RABGAP1L: variants seen among roughly 807,000 people sequenced by gnomAD.
RABGAP1L encodes the protein rab GTPase-activating protein 1-like.
A neutral mutation model predicts 137.7 loss-of-function variants in RABGAP1L; 63 were observed. The ratio of observed to expected loss-of-function variants is 0.46; its 90% confidence interval spans 0.37 to 0.56. The LOEUF is 0.56. Ranked by LOEUF, RABGAP1L falls within the 20% of genes least tolerant of loss-of-function variation. The pLI, the probability that RABGAP1L is intolerant of heterozygous loss-of-function variation, is 0.00. For synonymous variants in RABGAP1L, 431 were observed against 433.7 expected (o/e 0.99, Z 0.08); for missense variants, 1,095 against 1,244.0 (o/e 0.88, Z 1.80).
intron 12 of RABGAP1L, among the ~76,000 whole-genome samples, chr1:174,385,792 A>G (rs781163493): frequency 1.3e-5 from 2 of 152,216 alleles, no homozygotes; most frequent in South Asian, 2.1e-4. Context: ...GGATTCAACA[A>G]TTTAGGTGTC....
At position 174,413,637 on chromosome 1, in the gene RABGAP1L, A is replaced by G. The variant is rs1227358544; in HGVS notation, c.1710+19492A>G. 4.6e-5 allele frequency among the ~76,000 whole-genome samples: 7 copies of G among 151,898 alleles called. No homozygotes were observed. In the East Asian group the frequency reaches 1.3e-3, roughly 29 times the overall value. On this transcript the variant is annotated intron_variant, in intron 13 of 25. Transcript: ENST00000681986. ...ATTGTTTTTCTTTCTTCATTTCCCT[A>G]TAGTGTTATTTTATTTTTTCTGTAC...
At chr1:174,762,580 G>A (rs1436479881) in intron 18 of RABGAP1L, among the ~76,000 whole-genome samples, 1 of 152,190 alleles carries the variant, frequency 6.6e-6, no homozygotes, top group East Asian at 1.9e-4. Flanking sequence ...TAAATGGTTG[G>A]TTGGTTGTTG....
At chr1:174,837,592 A>G (rs886290745) in intron 19 of RABGAP1L, among the ~76,000 whole-genome samples, 3 of 152,234 alleles carry the variant, frequency 2.0e-5, no homozygotes, top group African/African-American at 7.2e-5. Context: ...TTCCAGTGGC[A>G]TATGGTTAGA....
chr1:174,886,012 A>AT (rs530537282), intron 19 of RABGAP1L, among the ~76,000 whole-genome samples: 60,066 of 135,874 alleles, frequency 0.44, 14,958 homozygotes, highest in African/African-American at 0.7. Context: ...AGAGAAACCA[A>AT]TTTTTTTTTT....
intron 17 of RABGAP1L, among the ~76,000 whole-genome samples, chr1:174,732,401 T>C (rs1682559508): frequency 2.0e-5 from 3 of 152,220 alleles, no homozygotes; most frequent in African/African-American, 7.2e-5. Context: ...GATTAGGTAA[T>C]TCTTTAATAG....
At chr1:174,684,454 A>G (rs996584275) in intron 15 of RABGAP1L, among the ~76,000 whole-genome samples, 3 of 152,232 alleles carry the variant, frequency 2.0e-5, no homozygotes, top group Non-Finnish European at 2.9e-5. Context: ...AGTTTACTAT[A>G]GCAATTGTAC....
intron 13 of RABGAP1L, among the ~76,000 whole-genome samples, chr1:174,632,342 A>C (rs565270217): frequency 1.4e-5 from 2 of 147,528 alleles, no homozygotes; most frequent in South Asian, 2.2e-4. Context: ...CCTTCATTTC[A>C]ACTTTGGTGA....
At chr1:174,373,331 C>A (rs1401220668) in intron 12 of RABGAP1L, among the ~76,000 whole-genome samples, 1 of 152,106 alleles carries the variant, frequency 6.6e-6, no homozygotes, top group Non-Finnish European at 1.5e-5. Flanking sequence ...AATTGGCTTA[C>A]AATGTGTTAG....
At chr1:174,590,336 C>CTTTTTTTTTTTTTTTTTTT (rs1158642763) in intron 13 of RABGAP1L, among the ~76,000 whole-genome samples, 4 of 125,970 alleles carry the variant, frequency 3.2e-5, no homozygotes, top group Non-Finnish European at 3.4e-5. Flanking sequence ...GTTTTTTTTT[C>CTTTTTTTTTTTTTTTTTTT]TTTTTTTTTT....
At chr1:174,757,474 A>G (rs1041863627) in intron 18 of RABGAP1L, among the ~76,000 whole-genome samples, 1 of 150,916 alleles carries the variant, frequency 6.6e-6, no homozygotes, top group African/African-American at 2.4e-5. Flanking sequence ...AAAAATTTCT[A>G]AACATTAAGC....
In RABGAP1L at chr1:174,972,575, T is replaced by C. The variant is rs932312893; in HGVS notation, c.2544+3188T>C. On this transcript the variant is annotated intron_variant, in intron 21 of 25. Coordinates refer to ENST00000681986, the MANE Select transcript of RABGAP1L (RefSeq NM_001366446.1). ...TTATCAAATTATGGTGAAGGCTGTC[T>C]GGTGCAGTGGCTCACGCCTGTAATC... Among the ~76,000 whole-genome samples the C allele has an allele frequency of 3.9e-5, 6 of 152,152 alleles. No homozygotes were observed. The East Asian group carries it at 1.2e-3, about 29-fold the overall frequency.
chr1:174,783,022 C>G (rs764394500), intron 18 of RABGAP1L, among the ~76,000 whole-genome samples: 1 of 152,190 alleles, frequency 6.6e-6, no homozygotes, highest in Non-Finnish European at 1.5e-5. Flanking sequence ...CAACTGCACA[C>G]TCTTTTGGTC....
Position 174,858,048 on chromosome 1 carries a change from G to T in RABGAP1L, c.2340+46088G>T, listed in dbSNP as rs373922027. Among the ~76,000 whole-genome samples the T allele has an allele frequency of 1.5e-4, 23 of 152,152 alleles. 1 individual carries two copies. The highest frequency in any genetic ancestry group is 5.3e-4 in the African/African-American group (22 of 41,522). On this transcript the variant is annotated intron_variant, in intron 19 of 25. Coordinates refer to ENST00000681986, the MANE Select transcript of RABGAP1L (RefSeq NM_001366446.1). ...ATTTTATTGTGTATTTTTAGGCAGGGTCTCACTTTGTAACCCAGGCTGGGA... is the reference window on the plus strand; with the variant it reads ...ATTTTATTGTGTATTTTTAGGCAGGTTCTCACTTTGTAACCCAGGCTGGGA...
chr1:174,964,547 T>C (rs1669444967), intron 20 of RABGAP1L, among the ~76,000 whole-genome samples: 1 of 152,226 alleles, frequency 6.6e-6, no homozygotes, highest in South Asian at 2.1e-4. Flanking sequence ...CATTCTTTTG[T>C]CTGAAGATGA....
chr1:174,644,194 G>C (rs1324773960), intron 14 of RABGAP1L, among the ~76,000 whole-genome samples: 1 of 152,022 alleles, frequency 6.6e-6, no homozygotes, highest in Non-Finnish European at 1.5e-5. Context: ...GTCAGGGTTT[G>C]TGAAGCTAGA....
intron 13 of RABGAP1L, among the ~76,000 whole-genome samples, chr1:174,498,962 G>T (rs1661000048): frequency 6.6e-6 from 1 of 151,590 alleles, no homozygotes. Flanking sequence ...AATTCCTTTT[G>T]GATAACATTA....
intron 3 of RABGAP1L, among the ~76,000 whole-genome samples, chr1:174,226,731 T>C (rs1386969564): frequency 6.6e-6 from 1 of 152,128 alleles, no homozygotes; most frequent in Non-Finnish European, 1.5e-5. Flanking sequence ...ACTTTTGGTT[T>C]CTTATGATTA....
chr1:174,955,470 C>T (rs1266354912), intron 19 of RABGAP1L, among the ~76,000 whole-genome samples: 1 of 152,138 alleles, frequency 6.6e-6, no homozygotes, highest in Non-Finnish European at 1.5e-5. Context: ...ATTATCTGGC[C>T]AGATGCCAGA....
chr1:174,284,226 A>G (rs1675849725), intron 10 of RABGAP1L, among the ~76,000 whole-genome samples: 1 of 152,154 alleles, frequency 6.6e-6, no homozygotes, highest in Non-Finnish European at 1.5e-5. Flanking sequence ...GAAAGTTTTT[A>G]CCCTTTGATC....
Sources: allele counts gnomAD v4.1 joint callset (sites outside exome capture counted in the v4.1 genomes callset), GRCh38; gene constraint gnomAD v4.1.1; transcripts MANE v1.5; gene names NCBI Gene and HGNC (gene_info 2026-07-23, HGNC 2026-07-21).